TCF4: variants seen among roughly 807,000 people sequenced by gnomAD.
TCF4 encodes the protein SL3-3 enhancer factor 2.
In TCF4, 3 loss-of-function variants were observed where a neutral mutation model predicts 82.1. The observed-to-expected ratio is 0.04, with a 90% CI of 0.02 to 0.09. The LOEUF is 0.09. TCF4 is among the 10% of genes least tolerant of loss of function. The pLI, the probability that TCF4 is intolerant of heterozygous loss-of-function variation, is 1.00. For missense variants in TCF4, 518 were observed against 852.7 expected (o/e 0.61, Z 4.89); for synonymous variants, 276 against 309.6 (o/e 0.89, Z 1.14).
At chr18:55,235,712 G>A (rs966975559) in intron 15 of TCF4, among the ~76,000 whole-genome samples, 4 of 152,134 alleles carry the variant, frequency 2.6e-5, no homozygotes, top group East Asian at 1.9e-4. Context: ...CTATTTCCAA[G>A]TATTTTCTTA....
chr18:55,445,414 A>G (rs1431455947), intron 5 of TCF4, among the ~76,000 whole-genome samples: 1 of 152,184 alleles, frequency 6.6e-6, no homozygotes, highest in Non-Finnish European at 1.5e-5. Context: ...GGGAAGCCTC[A>G]CAATCATGGT....
At chr18:55,332,298 A>G (rs1371087588) in intron 8 of TCF4, 2 of 149,612 alleles carry the variant, frequency 1.3e-5, no homozygotes, top group African/African-American at 5.0e-5. Flanking sequence ...CATTCCGTTT[A>G]TCTAGATTTG....
chr18:55,344,321 AT>A (rs974468611), intron 8 of TCF4, among the ~76,000 whole-genome samples: 22 of 152,202 alleles, frequency 1.4e-4, no homozygotes, highest in African/African-American at 5.3e-4. Flanking sequence ...TTATCAAGGC[AT>A]TTATCTACAT....
intron 6 of TCF4, among the ~76,000 whole-genome samples, chr18:55,354,554 G>T (rs903826730): frequency 2.0e-5 from 3 of 152,008 alleles, no homozygotes; most frequent in Non-Finnish European, 4.4e-5. Flanking sequence ...ATAACTGAAT[G>T]GTAATCAAAA....
intron 3 of TCF4, among the ~76,000 whole-genome samples, chr18:55,483,691 A>T (rs986123937): frequency 5.9e-5 from 9 of 152,356 alleles, no homozygotes; most frequent in African/African-American, 1.9e-4. Context: ...AGGACAGAGG[A>T]GAAAACAACT....
chr18:55,222,521 TTCACATGTG>T lies in TCF4; in HGVS notation c.*5505_*5513del, dbSNP rs2046002230. 1 of 151,646 alleles carries T rather than the reference TTCACATGTG, an allele frequency of 6.6e-6. No individual in the cohort carries two copies. The highest frequency in any genetic ancestry group is 2.4e-5 in the African/African-American group (1 of 41,214). 9.4% of individuals were successfully genotyped at this position (151,646 alleles called of 1,614,324 possible). On this transcript the variant is annotated 3_prime_UTR_variant, in exon 20 of 20. Coordinates refer to ENST00000354452, the MANE Select transcript of TCF4 (RefSeq NM_001083962.2). The stretch of plus-strand genomic sequence containing the variant: ...CCCAACATTTGGCTATGGAGGGCAC[TTCACATGTG>T]AACCAAATGGCGTTATAACATTTTC...
chr18:55,448,401 T>G (rs2095562837), intron 5 of TCF4, among the ~76,000 whole-genome samples: 1 of 152,258 alleles, frequency 6.6e-6, no homozygotes, highest in Admixed American at 6.5e-5. Flanking sequence ...TATACTACTT[T>G]ACACATCCTG....
At chr18:55,456,509 A>T (rs1202405064) in intron 5 of TCF4, among the ~76,000 whole-genome samples, 2 of 152,206 alleles carry the variant, frequency 1.3e-5, no homozygotes, top group Non-Finnish European at 2.9e-5. Context: ...GCATGTATGT[A>T]ATTTTATGGG....
At chr18:55,394,381 C>T (rs1025909345) in intron 6 of TCF4, among the ~76,000 whole-genome samples, 61 of 152,256 alleles carry the variant, frequency 4.0e-4, no homozygotes, top group Admixed American at 2.7e-3. Flanking sequence ...TGCATATAAA[C>T]ATGGCTTTGA....
intron 5 of TCF4, among the ~76,000 whole-genome samples, chr18:55,435,260 T>C (rs1338252070): frequency 6.6e-6 from 1 of 152,204 alleles, no homozygotes; most frequent in Non-Finnish European, 1.5e-5. Context: ...TGTAAATATG[T>C]TGAGTTAAGA....
chr18:55,593,485 A>AAAAACATT (rs146839657), upstream of TCF4, among the ~76,000 whole-genome samples: 353 of 152,314 alleles, frequency 2.3e-3, no homozygotes, highest in African/African-American at 8.1e-3. Context: ...TTCATAGACA[A>AAAAACATT]AAAACATTAT....
chr18:55,542,150 T>C (rs1260806495), intron 3 of TCF4, among the ~76,000 whole-genome samples: 1 of 152,038 alleles, frequency 6.6e-6, no homozygotes, highest in African/African-American at 2.4e-5. Context: ...TAGTATTCTT[T>C]ACTTCAAAAG....
chr18:55,400,957 G>A (rs1175395263), intron 6 of TCF4: 1 of 1,288,612 alleles, frequency 7.8e-7, no homozygotes, highest in East Asian at 5.6e-5. Context: ...CAATCATGTA[G>A]TAAACAGAAG....
chr18:55,502,035 C>T (rs141800530), intron 3 of TCF4, among the ~76,000 whole-genome samples: 1 of 152,330 alleles, frequency 6.6e-6, no homozygotes, highest in East Asian at 1.9e-4. Flanking sequence ...TTGTTTCTCT[C>T]AGCAATTCTC....
chr18:55,516,868 T>C (rs2096887585), intron 3 of TCF4, among the ~76,000 whole-genome samples: 1 of 152,142 alleles, frequency 6.6e-6, no homozygotes, highest in African/African-American at 2.4e-5. Flanking sequence ...GGTCTTTGGC[T>C]TTAACTAAAT....
At chr18:55,265,078 T>G (rs551790675) in intron 11 of TCF4, 2 of 152,292 alleles carry the variant, frequency 1.3e-5, no homozygotes, top group Non-Finnish European at 2.9e-5. Context: ...TCATTCCCAT[T>G]AGAACACACC....
intron 8 of TCF4, among the ~76,000 whole-genome samples, chr18:55,342,453 G>A (rs953713519): frequency 6.6e-5 from 10 of 152,110 alleles, no homozygotes; most frequent in South Asian, 2.1e-4. Flanking sequence ...GCAGAATTTC[G>A]AATTTATTTT....
At chr18:55,325,153 T>C (rs916373853) in intron 8 of TCF4, among the ~76,000 whole-genome samples, 14 of 152,222 alleles carry the variant, frequency 9.2e-5, no homozygotes, top group African/African-American at 1.2e-4. Context: ...ATTCAGAATC[T>C]ACATCACTTG....
intron 5 of TCF4, among the ~76,000 whole-genome samples, chr18:55,431,570 G>A (rs1286490557): frequency 6.6e-6 from 1 of 152,070 alleles, no homozygotes; most frequent in Non-Finnish European, 1.5e-5. Flanking sequence ...GTGAACCACC[G>A]TGGCCGGCCT....
Sources: gnomAD v4.1 joint callset for allele counts (sites outside exome capture counted in the v4.1 genomes callset) on GRCh38, gnomAD v4.1.1 for gene constraint, MANE v1.5 for transcripts, NCBI Gene and HGNC (gene_info 2026-07-23, HGNC 2026-07-21) for gene names.